DMXL2: variants seen among roughly 807,000 people sequenced by gnomAD.
The protein encoded by DMXL2 is Dmx like 2.
DMXL2 carries 103 observed loss-of-function variants against 331.1 expected under a neutral mutation model. The ratio of observed to expected loss-of-function variants is 0.31; its 90% CI spans 0.27 to 0.37. The LOEUF is 0.37. Ranked by LOEUF, DMXL2 falls within the 10% of genes least tolerant of loss-of-function variation. DMXL2 has a pLI of 1.00. For synonymous variants in DMXL2, 1,281 were observed against 1,252.1 expected, an observed-to-expected ratio of 1.02 and a Z score of -0.49; for missense variants, 3,171 against 3,642.9, an observed-to-expected ratio of 0.87 and a Z score of 3.33.
At chr15:51,591,239 C>G (rs1175997940) in intron 1 of DMXL2, among the ~76,000 whole-genome samples, 1 of 152,244 alleles carries the variant, frequency 6.6e-6, no homozygotes, top group Non-Finnish European at 1.5e-5. Context: ...CACCCTAATA[C>G]TGTGCTTTTG....
intron 1 of DMXL2, among the ~76,000 whole-genome samples, chr15:51,602,390 C>G (rs2053288795): frequency 6.6e-6 from 1 of 152,108 alleles, no homozygotes; most frequent in Non-Finnish European, 1.5e-5. Context: ...CAGTTCTACT[C>G]TGAGGTGCCA....
rs114516376 is a variant in DMXL2, at chr15:51,581,218, T to G, written c.88-5037A>C. On this transcript the variant is annotated intron_variant, in intron 1 of 43. Coordinates refer to ENST00000560891, the MANE Select transcript of DMXL2 (RefSeq NM_001378457.1). ...TAGATTCTCATAGGAACTCAAGCCC[T>G]ATTGTAAACTGCACATGCTAGGGAT... Among the ~76,000 whole-genome samples the G allele has an allele frequency of 6.8e-3, 1,031 of 152,260 alleles. 19 individuals carry two copies. Among genetic ancestry groups the G allele is most frequent in the African/African-American group, 0.024 (995 of 41,548 alleles).
intron 1 of DMXL2, among the ~76,000 whole-genome samples, chr15:51,591,112 C>T (rs1036868184): frequency 4.6e-5 from 7 of 152,286 alleles, no homozygotes; most frequent in South Asian, 2.1e-4. Context: ...GTGCACCGAA[C>T]GTGAACCGAA....
At chr15:51,450,392 C>T (rs570437383) in intron 42 of DMXL2, 46 bp from the exon 43 acceptor site, 1 of 1,578,250 alleles carries the variant, frequency 6.3e-7, no homozygotes, top group African/African-American at 1.3e-5. Flanking sequence ...AATTTCTTGT[C>T]TTGGTAATTA....
At chr15:51,475,995 G>C (rs559772645) in intron 27 of DMXL2, among the ~76,000 whole-genome samples, 56 of 152,280 alleles carry the variant, frequency 3.7e-4, no homozygotes, top group African/African-American at 1.3e-3. Context: ...TTTTTTGCAA[G>C]TCTGAAATTA....
intron 17 of DMXL2, among the ~76,000 whole-genome samples, chr15:51,501,696 G>A (rs578133988): frequency 3.6e-4 from 55 of 151,190 alleles, no homozygotes; most frequent in African/African-American, 1.1e-3. Flanking sequence ...CCGAGTGGGC[G>A]GATCACAAGG....
intron 1 of DMXL2, among the ~76,000 whole-genome samples, chr15:51,621,552 A>C (rs1454403455): frequency 6.6e-6 from 1 of 152,210 alleles, no homozygotes; most frequent in Admixed American, 6.5e-5. Flanking sequence ...AATTTATGGG[A>C]GTCTATCTAT....
chr15:51,555,071 T>C (rs193231816), intron 6 of DMXL2, among the ~76,000 whole-genome samples: 76 of 152,234 alleles, frequency 5.0e-4, no homozygotes, highest in Admixed American at 3.0e-3. Context: ...GGCACAAGAA[T>C]TGCTTGAACC....
intron 36 of DMXL2, 102 bp downstream of exon 36, chr15:51,458,404 G>A (rs2039834234): frequency 2.4e-6 from 3 of 1,257,940 alleles, no homozygotes; most frequent in Non-Finnish European, 3.3e-6. Flanking sequence ...CCAAATGAAG[G>A]AGATACACGT....
chr15:51,561,018 C>A (rs2049934692), intron 6 of DMXL2, among the ~76,000 whole-genome samples: 1 of 151,116 alleles, frequency 6.6e-6, no homozygotes. Context: ...AATTTTAAAA[C>A]CTCTTAAAAA....
intron 9 of DMXL2, among the ~76,000 whole-genome samples, chr15:51,540,990 T>A (rs1184969878): frequency 6.6e-6 from 1 of 152,152 alleles, no homozygotes; most frequent in African/African-American, 2.4e-5. Context: ...TAATATGTAT[T>A]GAATTTAGTG....
Position 51,582,707 on chromosome 15 carries a change from C to T in DMXL2, c.88-6526G>A, listed in dbSNP as rs569610441. Among the ~76,000 whole-genome samples, 35 of 152,068 alleles carry T rather than the reference C, an allele frequency of 2.3e-4. 1 individual carries two copies. In the South Asian group the frequency reaches 6.0e-3, roughly 26 times the overall value. On this transcript the variant is annotated intron_variant, in intron 1 of 43. Transcript: ENST00000560891. ...TTTCCTTAATACGTTCCTGATTAAG[C>T]AAGAAATTTCACAAGTCACATATAC...
intron 13 of DMXL2, 93 bp downstream of exon 13, chr15:51,535,570 T>TAA: frequency 8.2e-7 from 1 of 1,214,936 alleles, no homozygotes; most frequent in South Asian, 1.7e-5. Flanking sequence ...ACTTACTCCC[T>TAA]AAACAGCAAC....
At chr15:51,550,674 T>G (rs1166374264) in intron 6 of DMXL2, among the ~76,000 whole-genome samples, 2 of 152,170 alleles carry the variant, frequency 1.3e-5, no homozygotes, top group Non-Finnish European at 2.9e-5. Flanking sequence ...CCAAGTGTTA[T>G]TTTTTAAAAT....
chr15:51,462,989 T>C (rs1252859047), intron 33 of DMXL2: 2 of 155,554 alleles, frequency 1.3e-5, no homozygotes, highest in South Asian at 1.9e-4. Flanking sequence ...ATTCTGTTCA[T>C]TTCTAAGTGC....
intron 1 of DMXL2, among the ~76,000 whole-genome samples, chr15:51,596,219 T>A (rs997182657): frequency 6.6e-6 from 1 of 151,832 alleles, no homozygotes; most frequent in Non-Finnish European, 1.5e-5. Context: ...CAAACAAATC[T>A]ACAAGAAAAA....
At chr15:51,449,220 A>C (rs765048286) in intron 43 of DMXL2, 27 bp from the exon 44 acceptor site, 17 of 1,610,810 alleles carry the variant, frequency 1.1e-5, no homozygotes, top group Non-Finnish European at 1.4e-5. Context: ...GGAGTTAAAA[A>C]TATATTACGA....
At chr15:51,548,203 A>G (rs866211780) in intron 6 of DMXL2, among the ~76,000 whole-genome samples, 5 of 152,182 alleles carry the variant, frequency 3.3e-5, no homozygotes, top group Admixed American at 3.3e-4. Context: ...AATAATAAAA[A>G]CTGCATTAAA....
intron 13 of DMXL2, among the ~76,000 whole-genome samples, chr15:51,525,170 A>C (rs1391138689): frequency 6.6e-6 from 1 of 151,814 alleles, no homozygotes; most frequent in Non-Finnish European, 1.5e-5. Flanking sequence ...CACTGCCATG[A>C]GGGGAAAGAC....
Sources: gnomAD v4.1 joint callset for allele counts (sites outside exome capture counted in the v4.1 genomes callset) on GRCh38, gnomAD v4.1.1 for gene constraint, MANE v1.5 for transcripts, NCBI Gene and HGNC (gene_info 2026-07-23, HGNC 2026-07-21) for gene names.